ACCSL: variants seen among roughly 807,000 people sequenced by gnomAD.
The protein encoded by ACCSL is 1-aminocyclopropane-1-carboxylate synthase homolog (inactive) like.
ACCSL carries 55 observed loss-of-function variants against 61.7 expected under a neutral mutation model. The observed-to-expected ratio is 0.89, with a 90% CI of 0.72 to 1.12. The LOEUF (loss-of-function observed/expected upper bound fraction) is 1.12. Ranked by LOEUF, ACCSL falls within the 50% of genes most tolerant of loss-of-function variation. The pLI, the probability that ACCSL is intolerant of heterozygous loss-of-function variation, is 0.00. For synonymous variants in ACCSL, 258 were observed against 264.3 expected (o/e 0.98, Z 0.23); for missense variants, 632 against 698.0 (o/e 0.91, Z 1.07).
At chr11:44,022,885 T>G in the ACCSL span, among the ~76,000 whole-genome samples, 1 of 152,118 alleles carries the variant, frequency 6.6e-6, no homozygotes, top group Non-Finnish European at 1.5e-5. Context: ...TTTTCTGTTT[T>G]TGGAAGAGTT....
At chr11:44,023,015 A>T in the ACCSL span, among the ~76,000 whole-genome samples, 2 of 137,874 alleles carry the variant, frequency 1.5e-5, no homozygotes, top group East Asian at 4.2e-4. Context: ...TTATAGGTCC[A>T]TTCAGATTTT....
At chr11:43,993,339 C>G in the ACCSL span, among the ~76,000 whole-genome samples, 3 of 152,154 alleles carry the variant, frequency 2.0e-5, no homozygotes, top group Non-Finnish European at 4.4e-5. Flanking sequence ...CCTGAGAGCT[C>G]TCTCAGGGTT....
At chr11:44,020,236 T>C in the ACCSL span, among the ~76,000 whole-genome samples, 1 of 152,222 alleles carries the variant, frequency 6.6e-6, no homozygotes, top group African/African-American at 2.4e-5. Context: ...TGTAGCTTCC[T>C]TAGGCTTTTC....
At chr11:43,961,835 G>A in the ACCSL span, among the ~76,000 whole-genome samples, 2 of 151,836 alleles carry the variant, frequency 1.3e-5, no homozygotes, top group African/African-American at 4.8e-5. Context: ...CTCTCCATAG[G>A]GCATACACTG....
chr11:44,009,175 A>G, the ACCSL span, among the ~76,000 whole-genome samples: 3 of 151,888 alleles, frequency 2.0e-5, no homozygotes, highest in Non-Finnish European at 4.4e-5. Flanking sequence ...CTCAAAACAA[A>G]CAAACAAAAT....
the ACCSL span, among the ~76,000 whole-genome samples, chr11:43,972,141 A>G: frequency 6.6e-6 from 1 of 152,156 alleles, no homozygotes. Flanking sequence ...TTTCTCCTCC[A>G]TTCCTACATT....
the ACCSL span, among the ~76,000 whole-genome samples, chr11:44,029,611 C>A: frequency 6.6e-6 from 1 of 152,186 alleles, no homozygotes; most frequent in African/African-American, 2.4e-5. Context: ...ACAAGCTACT[C>A]ACCCTTTCTG....
upstream of ACCSL, among the ~76,000 whole-genome samples, chr11:44,046,782 T>C (rs1325854292): frequency 2.0e-5 from 3 of 152,182 alleles, no homozygotes; most frequent in African/African-American, 4.8e-5. Flanking sequence ...TCTTGGGATA[T>C]AAGGATTGTC....
the ACCSL span, among the ~76,000 whole-genome samples, chr11:43,993,846 T>C: frequency 6.6e-6 from 1 of 152,212 alleles, no homozygotes; most frequent in Non-Finnish European, 1.5e-5. Flanking sequence ...CTGCAGCGAT[T>C]GGGCGGTGAA....
upstream of ACCSL, among the ~76,000 whole-genome samples, chr11:44,043,315 A>G (rs973097309): frequency 6.6e-6 from 1 of 152,084 alleles, no homozygotes; most frequent in Non-Finnish European, 1.5e-5. Flanking sequence ...GGCAACCACT[A>G]GTCTGAGGAA....
At chr11:43,982,284 G>A in the ACCSL span, among the ~76,000 whole-genome samples, 1 of 139,466 alleles carries the variant, frequency 7.2e-6, no homozygotes, top group Non-Finnish European at 1.5e-5. Flanking sequence ...CTGGAGTGCA[G>A]TGGCGCAATC....
chr11:43,933,995 C>T, the ACCSL span, among the ~76,000 whole-genome samples: 1 of 152,108 alleles, frequency 6.6e-6, no homozygotes, highest in Non-Finnish European at 1.5e-5. Flanking sequence ...AATGGGGCCA[C>T]CGGGGCGGGG....
the ACCSL span, among the ~76,000 whole-genome samples, chr11:43,982,635 T>C: frequency 6.6e-6 from 1 of 151,848 alleles, no homozygotes; most frequent in Non-Finnish European, 1.5e-5. Context: ...CGTGGCCGAG[T>C]CCCTGGCACT....
chr11:43,924,657 C>T, the ACCSL span, among the ~76,000 whole-genome samples: 1 of 152,256 alleles, frequency 6.6e-6, no homozygotes, highest in African/African-American at 2.4e-5. Context: ...CAGGAAGGCA[C>T]CCAGGCCCCT....
At chr11:43,984,961 G>C in the ACCSL span, among the ~76,000 whole-genome samples, 2 of 152,232 alleles carry the variant, frequency 1.3e-5, no homozygotes, top group Non-Finnish European at 2.9e-5. Context: ...TGGGGAAGGG[G>C]ACCTTCATAT....
the ACCSL span, among the ~76,000 whole-genome samples, chr11:43,974,595 C>T: frequency 8.7e-4 from 132 of 152,326 alleles, no homozygotes; most frequent in South Asian, 5.0e-3. Flanking sequence ...ATCCCCAACA[C>T]CAGCCTCCAA....
the ACCSL span, among the ~76,000 whole-genome samples, chr11:43,951,708 A>G: frequency 1.3e-5 from 2 of 152,236 alleles, no homozygotes. Context: ...GGTTGTTATT[A>G]AATTACATTG....
the ACCSL span, among the ~76,000 whole-genome samples, chr11:43,986,916 T>C: frequency 6.6e-6 from 1 of 152,146 alleles, no homozygotes; most frequent in Non-Finnish European, 1.5e-5. Flanking sequence ...CCTCACCACC[T>C]CCATCCCAGA....
chr11:44,043,107 A>G (rs1952583697), upstream of ACCSL, among the ~76,000 whole-genome samples: 1 of 152,132 alleles, frequency 6.6e-6, no homozygotes, highest in Admixed American at 6.5e-5. Context: ...TTAGCTATTT[A>G]TATTCTAGCA....
Sources: allele counts gnomAD v4.1 joint callset (sites outside exome capture counted in the v4.1 genomes callset), GRCh38; gene constraint gnomAD v4.1.1; transcripts MANE v1.5; gene names NCBI Gene and HGNC (gene_info 2026-07-23, HGNC 2026-07-21).